C10orf90: variants seen among roughly 807,000 people sequenced by gnomAD.
The protein encoded by C10orf90 is (E2-independent) E3 ubiquitin-conjugating enzyme FATS.
A neutral mutation model predicts 62.5 loss-of-function variants in C10orf90; 56 were observed. The ratio of observed to expected loss-of-function variants is 0.90; its 90% CI spans 0.72 to 1.12. The LOEUF (loss-of-function observed/expected upper bound fraction) is 1.12. Among genes scored for constraint, C10orf90 ranks in the 50% most tolerant of loss-of-function variants. The probability of loss-of-function intolerance (pLI) is 0.00; values close to 1 mark genes in which losing one functional copy is unlikely to be tolerated. For missense variants in C10orf90, 970 were observed against 880.4 expected (o/e 1.10, Z -1.29); for synonymous variants, 386 against 340.4 (o/e 1.13, Z -1.47).
chr10:126,446,751 G>A (rs962726118), intron 7 of C10orf90, among the ~76,000 whole-genome samples: 1 of 152,114 alleles, frequency 6.6e-6, no homozygotes, highest in South Asian at 2.1e-4. Context: ...TAGTGTAATG[G>A]TCAGATAAAA....
intron 1 of C10orf90, among the ~76,000 whole-genome samples, chr10:126,647,859 C>T (rs1428447171): frequency 1.3e-5 from 2 of 152,212 alleles, no homozygotes; most frequent in African/African-American, 4.8e-5. Flanking sequence ...AGTTTGGTAA[C>T]AGGCCAAGGT....
Position 126,667,065 on chromosome 10 carries a change from T to G in C10orf90, c.240+3176A>C, listed in dbSNP as rs183379739. On this transcript the variant is annotated intron_variant, in intron 1 of 9. Coordinates refer to ENST00000488181, the MANE Select transcript of C10orf90 (RefSeq NM_001350921.2). ...CAATTTTTTTTTGTTTGTTTTGTTT[T>G]GTTTTGCTTTGGAAACAGAGTGTTG... Among the ~76,000 whole-genome samples the G allele has an allele frequency of 4.0e-5, 6 of 151,340 alleles. No individual in the cohort carries two copies. In the East Asian group the frequency reaches 9.8e-4, roughly 25 times the overall value.
chr10:126,647,087 T>C (rs965219708), intron 1 of C10orf90, among the ~76,000 whole-genome samples: 6 of 152,208 alleles, frequency 3.9e-5, no homozygotes, highest in Non-Finnish European at 8.8e-5. Context: ...GCAGAATGTA[T>C]AGGAAACTAT....
rs1213139922 is a variant in C10orf90 at position 126,463,707 on chromosome 10, A to G, written c.1825+989T>C. Among the ~76,000 whole-genome samples the G allele has an allele frequency of 4.6e-5, 7 of 152,138 alleles. No individual in the cohort carries two copies. The South Asian group carries it at 8.3e-4, about 18-fold the overall frequency. ...AAATATACTTTCAAGTTCCTGCTCA[A>G]ATCACTTCCTTGGCAAAGATGCCTC... On this transcript the variant is annotated intron_variant, in intron 5 of 9. Transcript: ENST00000488181.
intron 2 of C10orf90, among the ~76,000 whole-genome samples, chr10:126,622,873 T>C (rs1220211786): frequency 2.0e-5 from 3 of 152,234 alleles, no homozygotes; most frequent in African/African-American, 7.2e-5. Context: ...CTACTTGACA[T>C]AAAATTATTT....
intron 4 of C10orf90, among the ~76,000 whole-genome samples, chr10:126,471,179 G>A (rs1489757791): frequency 1.3e-5 from 2 of 152,174 alleles, no homozygotes; most frequent in African/African-American, 4.8e-5. Flanking sequence ...GCTGGAGCTG[G>A]CGCCACTGGG....
intron 1 of C10orf90, among the ~76,000 whole-genome samples, chr10:126,648,107 G>GT (rs1368998410): frequency 6.6e-6 from 1 of 152,012 alleles, no homozygotes; most frequent in Non-Finnish European, 1.5e-5. Flanking sequence ...CAATGCTGCT[G>GT]TTTTTAAAAG....
At chr10:126,584,713 G>C (rs562879056) in intron 2 of C10orf90, among the ~76,000 whole-genome samples, 1 of 152,212 alleles carries the variant, frequency 6.6e-6, no homozygotes, top group Non-Finnish European at 1.5e-5. Context: ...TTTGAGAGGA[G>C]CTGATTTCTG....
At chr10:126,444,076 G>C (rs1474762507) in intron 7 of C10orf90, among the ~76,000 whole-genome samples, 4 of 152,024 alleles carry the variant, frequency 2.6e-5, no homozygotes, top group Admixed American at 6.6e-5. Flanking sequence ...ATACTGAATG[G>C]GGAAAAGTTG....
chr10:126,609,825 G>C (rs1262544841), intron 2 of C10orf90, among the ~76,000 whole-genome samples: 1 of 152,226 alleles, frequency 6.6e-6, no homozygotes, highest in African/African-American at 2.4e-5. Flanking sequence ...TGTTCTGAGA[G>C]AGCTGTGAGG....
chr10:126,530,989 C>T (rs1864077930), intron 2 of C10orf90, among the ~76,000 whole-genome samples: 1 of 151,954 alleles, frequency 6.6e-6, no homozygotes, highest in African/African-American at 2.4e-5. Flanking sequence ...GCCTGGCCAA[C>T]ATGGTGAAAC....
At chr10:126,575,473 T>C (rs1326333912) in intron 2 of C10orf90, among the ~76,000 whole-genome samples, 2 of 152,038 alleles carry the variant, frequency 1.3e-5, no homozygotes, top group African/African-American at 4.8e-5. Flanking sequence ...ATCAGAAGAA[T>C]TAATATTATT....
chr10:126,643,527 A>G (rs1846106486), intron 2 of C10orf90, among the ~76,000 whole-genome samples: 1 of 152,148 alleles, frequency 6.6e-6, no homozygotes, highest in South Asian at 2.1e-4. Flanking sequence ...TGGAAGTTGT[A>G]CATCTAATAT....
intron 2 of C10orf90, among the ~76,000 whole-genome samples, chr10:126,588,199 TC>T (rs1225477727): frequency 2.6e-5 from 4 of 152,146 alleles, no homozygotes; most frequent in Non-Finnish European, 4.4e-5. Flanking sequence ...CTCTGATCTC[TC>T]CCTGGGACAG....
At chr10:126,645,630 C>T (rs1019196927) in intron 2 of C10orf90, among the ~76,000 whole-genome samples, 9 of 150,938 alleles carry the variant, frequency 6.0e-5, no homozygotes, top group South Asian at 2.1e-4. Context: ...AACCATGCTT[C>T]GGGACTACCA....
chr10:126,436,304 G>A (rs1857917766), intron 7 of C10orf90, among the ~76,000 whole-genome samples: 1 of 152,204 alleles, frequency 6.6e-6, no homozygotes, highest in Non-Finnish European at 1.5e-5. Flanking sequence ...TTTCTGCAAT[G>A]AGCACATTGT....
Position 126,574,779 on chromosome 10 carries a change from T to C in C10orf90, c.314-60840A>G, listed in dbSNP as rs566084097. The stretch of plus-strand genomic sequence containing the variant: ...AAACTAAAAATAGGAGGGAACTTCC[T>C]TAATGTGAAAGGGTTATAAGGAAAT... On this transcript the variant is annotated intron_variant, in intron 2 of 9. Transcript: ENST00000488181. Among the ~76,000 whole-genome samples the C allele has an allele frequency of 7.9e-5, 12 of 152,284 alleles. No homozygotes were observed. In the East Asian group the frequency reaches 2.1e-3, roughly 27 times the overall value.
At chr10:126,591,819 C>A (rs1844985723) in intron 2 of C10orf90, among the ~76,000 whole-genome samples, 1 of 152,026 alleles carries the variant, frequency 6.6e-6, no homozygotes. Context: ...AGCCCAAAAG[C>A]CTCTTAAGCT....
intron 2 of C10orf90, among the ~76,000 whole-genome samples, chr10:126,551,317 G>A (rs1864625120): frequency 6.6e-6 from 1 of 152,216 alleles, no homozygotes; most frequent in Admixed American, 6.5e-5. Context: ...CCTCTGTGTG[G>A]ACTTGGTCCA....
Sources: allele counts gnomAD v4.1 joint callset (sites outside exome capture counted in the v4.1 genomes callset), GRCh38; gene constraint gnomAD v4.1.1; transcripts MANE v1.5; gene names NCBI Gene and HGNC (gene_info 2026-07-23, HGNC 2026-07-21).